Variants in MAPT observed in about 807,000 individuals in gnomAD.
The protein encoded by MAPT is microtubule-associated protein tau.
MAPT carries 34 observed loss-of-function variants against 67.9 expected under a neutral mutation model. The observed-to-expected ratio is 0.50, with a 90% CI of 0.38 to 0.67. The LOEUF is 0.67. Among genes scored for constraint, MAPT ranks in the 30% least tolerant of loss-of-function variants. The pLI, the probability that MAPT is intolerant of heterozygous loss-of-function variation, is 0.00. For missense variants in MAPT, 881 were observed against 1,115.2 expected, an observed-to-expected ratio of 0.79 and a Z score of 2.99; for synonymous variants, 456 against 464.5, an observed-to-expected ratio of 0.98 and a Z score of 0.23.
intron 1 of MAPT, among the ~76,000 whole-genome samples, chr17:45,899,738 G>A (rs1253197786): frequency 6.6e-6 from 1 of 152,234 alleles, no homozygotes; most frequent in Non-Finnish European, 1.5e-5. Context: ...AGGTTAGGGA[G>A]ATGTGGAGTT....
At chr17:45,912,235 G>A (rs2064846135) in intron 1 of MAPT, among the ~76,000 whole-genome samples, 1 of 152,204 alleles carries the variant, frequency 6.6e-6, no homozygotes, top group African/African-American at 2.4e-5. Flanking sequence ...ACAAATAATT[G>A]GCATAGGCTG....
chr17:45,938,646 T>A (rs1000128120), intron 1 of MAPT, among the ~76,000 whole-genome samples: 2 of 112,294 alleles, frequency 1.8e-5, no homozygotes, highest in East Asian at 3.9e-4. Context: ...TTAATTAAGA[T>A]TTTTTTTTCC....
intron 1 of MAPT, among the ~76,000 whole-genome samples, chr17:45,941,976 G>C (rs1316103010): frequency 6.6e-6 from 1 of 151,984 alleles, no homozygotes; most frequent in Non-Finnish European, 1.5e-5. Flanking sequence ...GGCACTGTGG[G>C]ACAGATCCTC....
rs372732981 is a variant in MAPT at position 46,022,279 on chromosome 17, C to T, written c.2287-1677C>T. On this transcript the variant is annotated intron_variant, in intron 12 of 12. Coordinates refer to ENST00000262410, the MANE Select transcript of MAPT (RefSeq NM_001377265.1). ...CCGAGGCAGGAGAATTGCTTGATCC[C>T]GGAGGCGGAGGTTGCAGTGAGCTGA... 3.1e-4 allele frequency among the ~76,000 whole-genome samples: 45 copies of T among 147,262 alleles called. No individual in the cohort carries two copies. The East Asian group carries it at 3.8e-3, about 12-fold the overall frequency.
chr17:45,929,530 T>C (rs62061706), intron 1 of MAPT, among the ~76,000 whole-genome samples: 21,837 of 152,258 alleles, frequency 0.14, 2,139 homozygotes, highest in Middle Eastern at 0.22. Flanking sequence ...CAGGAATGTA[T>C]CCTGTGTTGA....
rs576415082 is a variant in MAPT at position 45,957,690 on chromosome 17, A to G, written c.-17-4631A>G. Reference sequence around the variant, plus strand: ...GTGGCCGTGGCAAGAAGGGTGTGGGACTACATTCCGCCCCCAACTGAGAGA... The same window carrying G: ...GTGGCCGTGGCAAGAAGGGTGTGGGGCTACATTCCGCCCCCAACTGAGAGA... On this transcript the variant is annotated intron_variant, in intron 1 of 12. Transcript: ENST00000262410. Among the ~76,000 whole-genome samples the G allele has an allele frequency of 4.1e-4, 63 of 152,326 alleles. 1 individual carries two copies. Among genetic ancestry groups the G allele is most frequent in the African/African-American group, 1.5e-3 (62 of 41,578 alleles).
intron 1 of MAPT, among the ~76,000 whole-genome samples, chr17:45,923,964 A>G (rs991394713): frequency 3.9e-5 from 6 of 152,226 alleles, no homozygotes; most frequent in African/African-American, 1.4e-4. Context: ...TAAGATGGGT[A>G]AAGTGCTTAG....
chr17:45,989,980 C>T lies in MAPT; in HGVS notation c.1510C>T (p.Pro504Ser). The T allele has an allele frequency of 6.2e-7, 1 of 1,614,194 alleles. No individual in the cohort carries two copies. The highest frequency in any genetic ancestry group is 8.5e-7 in the Non-Finnish European group (1 of 1,180,024). ...SSDPLIQPSS[P>S]AVCPEPPSSP... ...AGACCCTCTGATCCAACCCTCCAGC[C>T]CTGCTGTGTGCCCAGAGCCACCTTC... The change falls in exon 7 of 13, where the codon CCT (proline) becomes TCT (serine). Residue 504 changes from proline to serine, a missense_variant. Physicochemically the swap from Pro to Ser is moderately conservative, Grantham distance 74 (BLOSUM62 -1). This residue lies in a region of MAPT where 687 missense variants were observed against 766.1 expected (regional missense o/e 0.90). Coordinates refer to ENST00000262410, the MANE Select transcript of MAPT (RefSeq NM_001377265.1).
chr17:45,904,482 G>T (rs770069022), intron 1 of MAPT, among the ~76,000 whole-genome samples: 65 of 142,528 alleles, frequency 4.6e-4, no homozygotes, highest in South Asian at 2.6e-3. Context: ...GAAGCCAGGA[G>T]TCTGAGACTA....
In MAPT at chr17:46,025,781, AG is replaced by A. The variant is rs2076780515; in HGVS notation, c.*1612del. Reference sequence around the variant, plus strand: ...GATGGAAGGGCAAGGCACCCAGGGCAGGCCCACAGTCCCGCTGTCCCCCACT... The same window carrying A: ...GATGGAAGGGCAAGGCACCCAGGGCAGCCCACAGTCCCGCTGTCCCCCACT... On this transcript the variant is annotated 3_prime_UTR_variant, in exon 13 of 13. Coordinates refer to ENST00000262410, the MANE Select transcript of MAPT (RefSeq NM_001377265.1). The A allele has an allele frequency of 6.6e-6, 1 of 152,552 alleles. No homozygotes were observed. The highest frequency in any genetic ancestry group is 1.5e-5 in the Non-Finnish European group (1 of 68,320). 9.4% of individuals were successfully genotyped at this position (152,552 alleles called of 1,614,324 possible). A position where few individuals can be genotyped will look rare whatever the true frequency, so the allele number is the denominator to read the frequency against.
chr17:45,947,383 C>CTT (rs374326954), intron 1 of MAPT, among the ~76,000 whole-genome samples: 11 of 138,430 alleles, frequency 7.9e-5, no homozygotes, highest in Admixed American at 2.2e-4. Context: ...CTTTCTTTTT[C>CTT]TTTTTTTTTT....
Position 46,018,651 on chromosome 17 carries a change from T to C in MAPT, c.2207T>C (p.Leu736Pro). Residue 736 changes from leucine to proline, a missense_variant, in exon 12 of 13, where the codon CTT (leucine) becomes CCT (proline). Physicochemically the swap from Leu to Pro is moderately conservative, Grantham distance 98. This residue lies in a region of MAPT where 79 missense variants were observed against 150.9 expected (regional missense o/e 0.52). Transcript: ENST00000262410. ...GGQVEVKSEK[L>P]DFKDRVQSKI... ...CAGGTGGAAGTAAAATCTGAGAAGC[T>C]TGACTTCAAGGACAGAGTCCAGTCG... 1 of 1,614,162 alleles carries C rather than the reference T, an allele frequency of 6.2e-7. No homozygotes were observed. Among genetic ancestry groups the C allele is most frequent in the East Asian group, 2.2e-5 (1 of 44,888 alleles).
intron 1 of MAPT, among the ~76,000 whole-genome samples, chr17:45,930,472 G>GAGAACAA (rs1330151255): frequency 1.3e-5 from 2 of 151,978 alleles, no homozygotes; most frequent in Admixed American, 6.6e-5. Flanking sequence ...CAGGTTCCTG[G>GAGAACAA]AGAACAAACA....
In MAPT at chr17:45,959,971, A is replaced by C. The variant is rs117048862; in HGVS notation, c.-17-2350A>C. ...TTACAAAGGCTTTTAGTGACCAACA[A>C]ATGCTCATGCTATAATCTTATGTGA... On this transcript the variant is annotated intron_variant, in intron 1 of 12. Transcript: ENST00000262410. Among the ~76,000 whole-genome samples, 6 of 152,350 alleles carry C rather than the reference A, an allele frequency of 3.9e-5. No homozygotes were observed. In the East Asian group the frequency reaches 1.2e-3, roughly 29 times the overall value.
intron 3 of MAPT, chr17:45,973,030 A>G (rs1370697894): frequency 6.6e-6 from 1 of 152,100 alleles, no homozygotes; most frequent in Non-Finnish European, 1.5e-5. Flanking sequence ...CATCCTCCCC[A>G]TGGAGTTTCA....
chr17:45,984,811 G>C (rs879624689), intron 5 of MAPT, among the ~76,000 whole-genome samples: 7 of 152,236 alleles, frequency 4.6e-5, no homozygotes, highest in Non-Finnish European at 7.3e-5. Flanking sequence ...AGGGAGAGGA[G>C]AGTTGGTGTC....
intron 1 of MAPT, among the ~76,000 whole-genome samples, chr17:45,928,782 G>A (rs559592516): frequency 1.1e-3 from 173 of 152,182 alleles, no homozygotes; most frequent in Middle Eastern, 6.8e-3. Context: ...TGCAAGCTCC[G>A]CCTCTCGGGT....
intron 4 of MAPT, chr17:45,980,527 C>T (rs2145602142): frequency 7.0e-6 from 1 of 141,940 alleles, no homozygotes; most frequent in African/African-American, 2.7e-5. Context: ...AAAAAAAGAA[C>T]ATTCTCCTAA....
intron 3 of MAPT, chr17:45,977,561 G>A (rs1367764201): frequency 1.3e-5 from 2 of 152,190 alleles, no homozygotes; most frequent in Admixed American, 6.5e-5. Flanking sequence ...TGCAGAAATA[G>A]GTGTTTTTAA....
Sources: gnomAD v4.1 joint callset for allele counts (sites outside exome capture counted in the v4.1 genomes callset) on GRCh38, gnomAD v4.1.1 for gene constraint, gnomAD v4.1.1 regional missense constraint, MANE v1.5 for transcripts, NCBI Gene and HGNC (gene_info 2026-07-23, HGNC 2026-07-21) for gene names.